The following WDR4 variants were observed in gnomAD, a reference collection of about 807,000 sequenced individuals.
WDR4 encodes WDR4 tRNA N7-guanosine methyltransferase non-catalytic subunit.
In WDR4, 47 loss-of-function variants were observed where a neutral mutation model predicts 48.6. The ratio of observed to expected loss-of-function variants is 0.97; its 90% CI spans 0.77 to 1.23. The LOEUF (loss-of-function observed/expected upper bound fraction) is 1.23. WDR4 is among the 50% of genes most tolerant of loss of function. The probability of loss-of-function intolerance (pLI) is 0.00; values close to 1 mark genes in which losing one functional copy is unlikely to be tolerated. For missense variants in WDR4, 606 were observed against 551.6 expected (o/e 1.10, Z -0.99); for synonymous variants, 268 against 230.0 (o/e 1.17, Z -1.49).
At chr21:42,880,296 A>G (rs922028099), upstream of WDR4, among the ~76,000 whole-genome samples, 1 of 152,286 alleles carries the variant, frequency 6.6e-6, no homozygotes, top group East Asian at 1.9e-4. Flanking sequence ...AACTATGGTT[A>G]GTTTCCAGTG....
chr21:42,848,755 C>T (rs1239486347), downstream of WDR4, among the ~76,000 whole-genome samples: 13 of 75,184 alleles, frequency 1.7e-4, 1 homozygote, highest in African/African-American at 5.4e-4. Flanking sequence ...ACACAGCACA[C>T]GATCACGCGG....
At chr21:42,846,378 C>T (rs186037350), downstream of WDR4, among the ~76,000 whole-genome samples, 72 of 152,226 alleles carry the variant, frequency 4.7e-4, no homozygotes, top group Non-Finnish European at 9.0e-4. Context: ...GAGGTCAGGC[C>T]GGCCAGCATG....
rs1298198581 is a variant in WDR4 at position 42,873,761 on chromosome 21, C to T, written c.156-70G>A. 5 of 1,557,482 alleles carry T rather than the reference C, an allele frequency of 3.2e-6. No homozygotes were observed. The African/African-American group carries it at 4.1e-5, about 13-fold the overall frequency. ...TAAGGCTGCATTCCTTGTTGGCCAG[C>T]GTGGTAATTTCTAACATGGGAGGAG... On this transcript the variant is annotated intron_variant, in intron 2 of 10. Transcript: ENST00000398208.
chr21:42,889,679 T>C, the WDR4 span, among the ~76,000 whole-genome samples: 1 of 152,212 alleles, frequency 6.6e-6, no homozygotes, highest in African/African-American at 2.4e-5. Context: ...ATATGGTCAT[T>C]TGAAATTATG....
chr21:42,852,292 G>C lies in WDR4; in HGVS notation c.1008C>G (p.Val336=). 6.2e-7 allele frequency: 1 copy of C among 1,614,206 alleles called. No individual in the cohort carries two copies. The highest frequency in any genetic ancestry group is 1.3e-5 in the African/African-American group (1 of 75,072). The change falls in exon 10 of 11, where the codon GTC becomes GTG. Residue 336 remains valine, a synonymous_variant. Coordinates refer to ENST00000398208, the MANE Select transcript of WDR4 (RefSeq NM_018669.6). ...CCCAGTTCCCACGAAGAACACCAGA[G>C]ACTTTCTTTAACACGGTGCTCTCAG... ...SVPESTVLKK[V]SGVLRGNWAM...
chr21:42,859,306 G>T (rs754289613), intron 6 of WDR4, among the ~76,000 whole-genome samples: 2 of 152,070 alleles, frequency 1.3e-5, no homozygotes, highest in Non-Finnish European at 2.9e-5. Flanking sequence ...GCCCGTAATG[G>T]GATGGACTGA....
In WDR4 at chr21:42,855,687, G is replaced by GA. The variant is rs1569317590; in HGVS notation, c.720_721insT (p.Pro241SerfsTer89). The stretch of plus-strand genomic sequence containing the variant: ...GAGTGAACAGAAGCAGCTACCTGGG[G>GA]GGCCTGGGGGTCCACCAGCTCCTGC... On this transcript the variant is annotated frameshift_variant, in exon 7 of 11. Transcript: ENST00000398208. LOFTEE classifies it high-confidence loss of function. The GA allele has an allele frequency of 6.4e-7, 1 of 1,551,284 alleles. No individual in the cohort carries two copies.
rs146057712 is a variant in WDR4 at position 42,859,708 on chromosome 21, A to G, written c.581T>C (p.Ile194Thr). ...CLGHTEFVSR[I>T]SVVPTQPGLL... The stretch of plus-strand genomic sequence containing the variant: ...CCCGGGCTGAGTTGGCACCACGGAG[A>G]TACGGCTCACAAACCTGTGAGGGCG... The change falls in exon 6 of 11, where the codon ATC (isoleucine) becomes ACC (threonine). Residue 194 changes from isoleucine (I) to threonine (T), a missense_variant. By Grantham distance (89) the Ile-to-Thr change is moderately conservative (BLOSUM62 -1). Transcript: ENST00000398208. 3 of 1,561,694 alleles carry G rather than the reference A, an allele frequency of 1.9e-6. No individual in the cohort carries two copies. The highest frequency in any genetic ancestry group is 2.7e-5 in the African/African-American group (2 of 73,264).
chr21:42,850,125 C>CGCTGCTTCTTCTCTAGCTGCT lies in WDR4; in HGVS notation c.1142_1162dup (p.Gln381_Gln387dup). 2 of 1,614,074 alleles carry CGCTGCTTCTTCTCTAGCTGCT rather than the reference C, an allele frequency of 1.2e-6. No homozygotes were observed. The highest frequency in any genetic ancestry group is 1.7e-6 in the Non-Finnish European group (2 of 1,179,978). On this transcript the variant is annotated inframe_insertion, in exon 11 of 11. Transcript: ENST00000398208. ...GGGCCCAGGCGGGGGACTCCGGCGC[C>CGCTGCTTCTTCTCTAGCTGCT]GCTGCTTCTTCTCTAGCTGCTGCTG...
At chr21:42,878,274 T>C (rs2058547373) in intron 1 of WDR4, among the ~76,000 whole-genome samples, 1 of 152,110 alleles carries the variant, frequency 6.6e-6, no homozygotes, top group African/African-American at 2.4e-5. Context: ...TTGTACATAT[T>C]TATAGCCTTT....
At chr21:42,877,940 G>A (rs1451697902) in intron 1 of WDR4, among the ~76,000 whole-genome samples, 1 of 151,002 alleles carries the variant, frequency 6.6e-6, no homozygotes, top group Non-Finnish European at 1.5e-5. Flanking sequence ...AACTACTCGG[G>A]AGGCTGAGGC....
At chr21:42,869,203 C>T (rs1330267371) in intron 3 of WDR4, among the ~76,000 whole-genome samples, 1 of 152,198 alleles carries the variant, frequency 6.6e-6, no homozygotes, top group African/African-American at 2.4e-5. Context: ...TTCCAATTTT[C>T]TGTACGGACC....
chr21:42,853,752 G>C lies in WDR4; in HGVS notation c.792C>G (p.Gly264=). The C allele has an allele frequency of 1.3e-6, 2 of 1,551,136 alleles. No individual in the cohort carries two copies. The highest frequency in any genetic ancestry group is 1.7e-6 in the Non-Finnish European group (2 of 1,147,604). Residue 264 remains glycine (G), a splice_region_variant and synonymous_variant, in exon 9 of 11, where the codon GGC becomes GGG. Transcript: ENST00000398208. ...QENCVALLCD[G]TPVVYIFQLD... ...GCTGGAAGATGTAGACCACAGGAGT[G>C]CTTGCCACGAAGAAAGAGAGCATGA...
upstream of WDR4, among the ~76,000 whole-genome samples, chr21:42,882,857 G>C (rs529617461): frequency 2.0e-5 from 3 of 152,134 alleles, no homozygotes; most frequent in South Asian, 6.2e-4. Context: ...CCAGCACTTT[G>C]AGAGGCCAAG....
chr21:42,886,622 A>G, the WDR4 span, among the ~76,000 whole-genome samples: 1 of 152,188 alleles, frequency 6.6e-6, no homozygotes, highest in Non-Finnish European at 1.5e-5. Context: ...CCCCAGATAT[A>G]TTCCCAGCCT....
chr21:42,861,127 T>C (rs565178695), intron 5 of WDR4, among the ~76,000 whole-genome samples: 2 of 151,910 alleles, frequency 1.3e-5, no homozygotes, highest in African/African-American at 2.4e-5. Context: ...CTGGCCAACA[T>C]AGTGAACCCT....
intron 5 of WDR4, among the ~76,000 whole-genome samples, 189 bp from the exon 6 acceptor site, chr21:42,859,911 C>A (rs1375841993): frequency 6.6e-6 from 1 of 151,998 alleles, no homozygotes; most frequent in Non-Finnish European, 1.5e-5. Context: ...GGTGGAGGCC[C>A]CTGGACGCAG....
At chr21:42,859,840 T>C in intron 5 of WDR4, 118 bp from the exon 6 acceptor site, 1 of 1,070,268 alleles carries the variant, frequency 9.3e-7, no homozygotes, top group Non-Finnish European at 1.4e-6. Context: ...AACCCCCTGA[T>C]CCAATAAAAA....
At chr21:42,845,563 C>T (rs1182607501), downstream of WDR4, among the ~76,000 whole-genome samples, 2 of 152,142 alleles carry the variant, frequency 1.3e-5, no homozygotes, top group African/African-American at 4.8e-5. Flanking sequence ...GGTAAGGTGG[C>T]CTCAGAGAAC....
Sources: allele counts gnomAD v4.1 joint callset (sites outside exome capture counted in the v4.1 genomes callset), GRCh38; gene constraint gnomAD v4.1.1; transcripts MANE v1.5; gene names NCBI Gene and HGNC (gene_info 2026-07-23, HGNC 2026-07-21).